The following IFTAP variants were observed in gnomAD, a reference collection of about 807,000 sequenced individuals.
IFTAP encodes the protein intraflagellar transport associated protein.
A neutral mutation model predicts 19.4 loss-of-function variants in IFTAP; 19 were observed. That is an observed-to-expected ratio of 0.98 (90% CI 0.68 to 1.44). IFTAP has a LOEUF of 1.44. Among genes scored for constraint, IFTAP ranks in the 40% most tolerant of loss-of-function variants. The pLI, the probability that IFTAP is intolerant of heterozygous loss-of-function variation, is 0.00. For missense variants in IFTAP, 240 were observed against 253.6 expected, an observed-to-expected ratio of 0.95 and a Z score of 0.36; for synonymous variants, 85 against 83.5, an observed-to-expected ratio of 1.02 and a Z score of -0.10.
At chr11:36,627,669 A>G (rs770373526) in intron 2 of IFTAP, among the ~76,000 whole-genome samples, 2 of 151,286 alleles carry the variant, frequency 1.3e-5, no homozygotes, top group Non-Finnish European at 2.9e-5. Flanking sequence ...ATGCTCAAAT[A>G]TGCTGCATCT....
At chr11:36,617,030 A>G (rs1180302378) in intron 2 of IFTAP, among the ~76,000 whole-genome samples, 1 of 151,774 alleles carries the variant, frequency 6.6e-6, no homozygotes, top group African/African-American at 2.4e-5. Context: ...GAGACATGCC[A>G]TAAGCATAAA....
chr11:36,636,226 A>T, intron 4 of IFTAP, 109 bp downstream of exon 4: 1 of 765,786 alleles, frequency 1.3e-6, no homozygotes, highest in Non-Finnish European at 2.2e-6. Context: ...ACCTCTCCTA[A>T]GACAGGAAGA....
At chr11:36,635,965 G>A in intron 3 of IFTAP, 86 bp from the exon 4 acceptor site, 1 of 837,876 alleles carries the variant, frequency 1.2e-6, no homozygotes, top group East Asian at 2.6e-5. Flanking sequence ...TCAGTTAGGT[G>A]TTGTGGAAGT....
chr11:36,596,348 A>G (rs2133329959), intron 1 of IFTAP, among the ~76,000 whole-genome samples: 1 of 151,098 alleles, frequency 6.6e-6, no homozygotes, highest in Admixed American at 6.6e-5. Context: ...TTCAACAATT[A>G]TCTGGTGGGT....
At chr11:36,616,510 A>G (rs1464984775) in intron 2 of IFTAP, among the ~76,000 whole-genome samples, 3 of 152,006 alleles carry the variant, frequency 2.0e-5, no homozygotes, top group Admixed American at 6.6e-5. Context: ...ACAAATGGCT[A>G]TGCCTGTGGC....
rs1590221500 is a variant in IFTAP at position 36,634,780 on chromosome 11, A to G, written c.292-1271A>G. ...AGGACTCATTTACTGTCCCTTATAC[A>G]AAGTTGGAGAATTCAGCAGATTTTG... On this transcript the variant is annotated intron_variant, in intron 3 of 5. Transcript: ENST00000334307. 2.6e-5 allele frequency among the ~76,000 whole-genome samples: 4 copies of G among 151,990 alleles called. No individual in the cohort carries two copies. The South Asian group carries it at 8.3e-4, about 32-fold the overall frequency.
intron 1 of IFTAP, among the ~76,000 whole-genome samples, chr11:36,598,639 T>A (rs1851384317): frequency 6.6e-6 from 1 of 152,204 alleles, no homozygotes; most frequent in Non-Finnish European, 1.5e-5. Flanking sequence ...AGGAAGGAGT[T>A]GTAATTATTC....
chr11:36,656,265 G>A (rs1017820902), intron 5 of IFTAP, among the ~76,000 whole-genome samples: 1 of 152,076 alleles, frequency 6.6e-6, no homozygotes, highest in Non-Finnish European at 1.5e-5. Flanking sequence ...CTGGAGACTG[G>A]CAAAACTCAA....
rs61745970 is a variant in IFTAP at position 36,610,161 on chromosome 11, G to A, written c.58G>A (p.Val20Ile). 1.3e-3 allele frequency: 2,123 copies of A among 1,611,536 alleles called. 23 individuals carry two copies. In the African/African-American group the frequency reaches 0.025, roughly 19 times the overall value. The change falls in exon 2 of 6, where the codon GTC (valine) becomes ATC (isoleucine). Residue 20 changes from valine to isoleucine, a missense_variant. Transcript: ENST00000334307. ...GGATGAAGATCAATTAATCAAAGAC[G>A]TCTTGGATAAATTCCTTAATTGTCA... ...IMDEDQLIKD[V>I]LDKFLNCHEQ...
rs548791604 is a variant in IFTAP at position 36,620,331 on chromosome 11, G to GT, written c.136+10098dup. ...GAAACAGCATCAGCAGCATTAACCT[G>GT]TTTTTTCTCTTTGGGGGAACATCTG... is the stretch of plus-strand genomic sequence containing the variant. On this transcript the variant is annotated intron_variant, in intron 2 of 5. Transcript: ENST00000334307. 2.9e-4 allele frequency among the ~76,000 whole-genome samples: 44 copies of GT among 152,070 alleles called. No individual in the cohort carries two copies. The East Asian group carries it at 7.9e-3, about 27-fold the overall frequency.
At chr11:36,614,651 A>G (rs80307624) in intron 2 of IFTAP, among the ~76,000 whole-genome samples, 7,006 of 133,960 alleles carry the variant, frequency 0.052, 1,022 homozygotes, top group African/African-American at 0.18. Context: ...GTTTTGATTT[A>G]CATTTCTCTG....
At chr11:36,638,226 CCTT>C (rs1436672077) in intron 4 of IFTAP, among the ~76,000 whole-genome samples, 3 of 151,950 alleles carry the variant, frequency 2.0e-5, no homozygotes, top group Non-Finnish European at 4.4e-5. Flanking sequence ...CGCCTTTTTA[CCTT>C]CTTCAGTATT....
At chr11:36,608,166 T>C (rs974109777) in intron 1 of IFTAP, among the ~76,000 whole-genome samples, 1 of 152,212 alleles carries the variant, frequency 6.6e-6, no homozygotes, top group Non-Finnish European at 1.5e-5. Context: ...AGAAAAAATC[T>C]ATTATTCTCT....
intron 5 of IFTAP, among the ~76,000 whole-genome samples, chr11:36,653,295 T>C (rs1409877857): frequency 6.6e-6 from 1 of 152,118 alleles, no homozygotes; most frequent in Non-Finnish European, 1.5e-5. Flanking sequence ...ACTCAAAGTT[T>C]TCCAATAGTG....
chr11:36,599,920 T>C (rs1378242681), intron 1 of IFTAP, among the ~76,000 whole-genome samples: 12 of 152,220 alleles, frequency 7.9e-5, no homozygotes, highest in Admixed American at 7.9e-4. Context: ...AAATAAGAAA[T>C]GCAAAAATAG....
chr11:36,642,506 A>T (rs1853262495), intron 4 of IFTAP, among the ~76,000 whole-genome samples: 1 of 152,198 alleles, frequency 6.6e-6, no homozygotes, highest in Non-Finnish European at 1.5e-5. Flanking sequence ...AACTCATTTT[A>T]TGAGACCAGC....
intron 5 of IFTAP, among the ~76,000 whole-genome samples, chr11:36,654,801 C>G (rs1243482792): frequency 6.6e-6 from 1 of 152,008 alleles, no homozygotes. Context: ...ATTTCACTTT[C>G]TACGGATTTT....
At chr11:36,615,731 G>T (rs1378296758) in intron 2 of IFTAP, among the ~76,000 whole-genome samples, 1 of 143,420 alleles carries the variant, frequency 7.0e-6, no homozygotes, top group Non-Finnish European at 1.5e-5. Flanking sequence ...TGTTGTTGGT[G>T]TATAAGAATG....
chr11:36,645,659 A>G (rs1222070377), intron 4 of IFTAP, among the ~76,000 whole-genome samples: 1 of 152,146 alleles, frequency 6.6e-6, no homozygotes, highest in Non-Finnish European at 1.5e-5. Flanking sequence ...TCTTTATAAC[A>G]TATGCCTTGC....
Sources: allele counts gnomAD v4.1 joint callset (sites outside exome capture counted in the v4.1 genomes callset), GRCh38; gene constraint gnomAD v4.1.1; transcripts MANE v1.5; gene names NCBI Gene and HGNC (gene_info 2026-07-23, HGNC 2026-07-21).